Variants in SARM1 observed in about 807,000 individuals in gnomAD.
SARM1 encodes sterile alpha and TIR motif containing 1, also known as NAD(+) hydrolase SARM1.
SARM1 carries 60 observed loss-of-function variants against 65.1 expected under a neutral mutation model. The observed-to-expected ratio is 0.92, with a 90% CI of 0.75 to 1.14. The LOEUF (loss-of-function observed/expected upper bound fraction) is 1.14. SARM1 is among the 50% of genes most tolerant of loss of function. The probability of loss-of-function intolerance (pLI) is 0.00; values close to 1 mark genes in which losing one functional copy is unlikely to be tolerated. For missense variants in SARM1, 913 were observed against 1,015.7 expected (o/e 0.90, Z 1.37); for synonymous variants, 417 against 465.4 (o/e 0.90, Z 1.34).
chr17:28,396,053 G>T (rs782370729), intron 8 of SARM1, 27 bp downstream of exon 8: 2 of 1,613,568 alleles, frequency 1.2e-6, no homozygotes, highest in Non-Finnish European at 1.7e-6. Context: ...TGGGACCAGG[G>T]GGGTAGGGTA....
At chr17:28,391,886 T>TG (rs1300417541) in intron 7 of SARM1, among the ~76,000 whole-genome samples, 5 of 149,420 alleles carry the variant, frequency 3.3e-5, no homozygotes, top group Non-Finnish European at 4.5e-5. Context: ...CTCCGTTTTT[T>TG]TTTTTTTTTT....
rs2067957265 is a variant in SARM1, at chr17:28,371,985, G to C, written c.-48G>C. 1.0e-5 allele frequency: 14 copies of C among 1,376,896 alleles called. No homozygotes were observed. Among genetic ancestry groups the C allele is most frequent in the Non-Finnish European group, 1.0e-5 (11 of 1,059,726 alleles). 85.3% of individuals were successfully genotyped at this position (1,376,896 alleles called of 1,614,324 possible). ...CTTTTCCCAAAACCCGGGTCTCTCC[G>C]CGTGGCCCCGCCTCCAGGCCGGGGA... On this transcript the variant is annotated 5_prime_UTR_variant, in exon 1 of 9. Coordinates refer to ENST00000585482, the MANE Select transcript of SARM1 (RefSeq NM_015077.4).
chr17:28,378,564 A>G (rs2068005586), intron 1 of SARM1, among the ~76,000 whole-genome samples: 1 of 152,192 alleles, frequency 6.6e-6, no homozygotes, highest in African/African-American at 2.4e-5. Flanking sequence ...GTGCTGTGTC[A>G]TATAGCACAT....
rs2068194949 is a variant in SARM1 at position 28,401,289 on chromosome 17, G to A, written c.*5003G>A. On this transcript the variant is annotated 3_prime_UTR_variant, in exon 9 of 9. Coordinates refer to ENST00000585482, the MANE Select transcript of SARM1 (RefSeq NM_015077.4). The stretch of plus-strand genomic sequence containing the variant: ...TTCACATGGAAATCACCCATCACTG[G>A]GCCTGGTCCCCTGGAAGTAGCTAGT... 1 of 163,408 alleles carries A rather than the reference G, an allele frequency of 6.1e-6. No homozygotes were observed. The highest frequency in any genetic ancestry group is 1.3e-5 in the Non-Finnish European group (1 of 74,238). The allele number at this position is 163,408 out of a possible 1,614,324, so 10.1% of individuals were successfully genotyped here. A position where few individuals can be genotyped will look rare whatever the true frequency, so the allele number is the denominator to read the frequency against.
rs1174198937 is a variant in SARM1, at chr17:28,397,055, C to G, written c.*769C>G. ...GCCTCAAAGCCCACCCTACCCCATG[C>G]CTTGGTGCTGTGCCTCAGGCTCCTT... On this transcript the variant is annotated 3_prime_UTR_variant, in exon 9 of 9. Transcript: ENST00000585482. The G allele has an allele frequency of 1.3e-5, 2 of 152,710 alleles. No homozygotes were observed. The highest frequency in any genetic ancestry group is 3.9e-4 in the East Asian group (2 of 5,192). The allele number at this position is 152,710 out of a possible 1,614,324, so 9.5% of individuals were successfully genotyped here.
In SARM1 at chr17:28,374,568, C is replaced by G. The variant is rs556111995; in HGVS notation, c.470+2066C>G. ...AAAAAGAAGGGGAGGGTCCCTGCAC[C>G]CCTTGTAGGCTGCATGAGAATGGGG... On this transcript the variant is annotated intron_variant, in intron 1 of 8. Transcript: ENST00000585482. 2.0e-4 allele frequency among the ~76,000 whole-genome samples: 31 copies of G among 152,122 alleles called. No homozygotes were observed. The East Asian group carries it at 5.4e-3, about 27-fold the overall frequency.
Position 28,384,529 on chromosome 17 carries a change from T to C in SARM1, c.1262T>C (p.Leu421Pro). Reference protein sequence around the residue: ...SWKEAEVQTWLQQIGFSKYCE... With the variant: ...SWKEAEVQTWPQQIGFSKYCE... ...AAGGAGGCCGAGGTTCAGACGTGGCTGCAGCAGATCGGTTTCTCCAAGTAC... is the reference window on the plus strand; with the variant it reads ...AAGGAGGCCGAGGTTCAGACGTGGCCGCAGCAGATCGGTTTCTCCAAGTAC... The change falls in exon 3 of 9, where the codon CTG (leucine) becomes CCG (proline). Residue 421 changes from leucine to proline, a missense_variant. Leu to Pro is a moderately conservative substitution (Grantham distance 98). Coordinates refer to ENST00000585482, the MANE Select transcript of SARM1 (RefSeq NM_015077.4). This position sits in a 1 kb window ranked among gnomAD's most constrained non-coding sequence, Gnocchi z 4.4. 6.2e-7 allele frequency: 1 copy of C among 1,612,726 alleles called. No homozygotes were observed. Among genetic ancestry groups the C allele is most frequent in the Non-Finnish European group, 8.5e-7 (1 of 1,179,482 alleles).
In SARM1 at chr17:28,384,400, T is replaced by C. The variant is rs782642684; in HGVS notation, c.1133T>C (p.Val378Ala). The change falls in exon 3 of 9, where the codon GTT becomes GCT. Residue 378 changes from valine to alanine, a missense_variant. Val to Ala is a moderately conservative substitution (Grantham distance 64). Coordinates refer to ENST00000585482, the MANE Select transcript of SARM1 (RefSeq NM_015077.4). The surrounding 1 kb of genome is among the most constrained non-coding windows in gnomAD (Gnocchi z 4.4). ...GCCATCCAGAGCCTGAAACGCCTGG[T>C]TTCCTACTCTACCAATGGCACTAAG... The part of the protein sequence containing the change: ...IGAIQSLKRL[V>A]SYSTNGTKSA... The C allele has an allele frequency of 6.2e-6, 10 of 1,610,918 alleles. No homozygotes were observed. In the South Asian group the frequency reaches 9.9e-5, roughly 16 times the overall value.
rs1431213308 is a variant in SARM1, at chr17:28,400,984, A to G, written c.*4698A>G. 1.8e-6 allele frequency: 1 copy of G among 568,894 alleles called. No individual in the cohort carries two copies. The highest frequency in any genetic ancestry group is 1.9e-5 in the African/African-American group (1 of 53,404). The allele number at this position is 568,894 out of a possible 1,614,324, so 35.2% of individuals were successfully genotyped here. On this transcript the variant is annotated 3_prime_UTR_variant, in exon 9 of 9. Transcript: ENST00000585482. ...AGGGGCTACTAAACAAATGGCTGCT[A>G]TTAAATCCACATTAAAAGTACATGT...
At position 28,381,964 on chromosome 17, in the gene SARM1, T is replaced by C. The variant is rs201878857; in HGVS notation, c.1089+143T>C. On this transcript the variant is annotated intron_variant, in intron 2 of 8. Coordinates refer to ENST00000585482, the MANE Select transcript of SARM1 (RefSeq NM_015077.4). ...ACAAAGGAGGAGCGGGCCAGTCATT[T>C]TGGCGTTGAAGGCAAACCCGAAGTT... 5.9e-5 allele frequency: 68 copies of C among 1,153,116 alleles called. No homozygotes were observed. The East Asian group carries it at 2.0e-3, about 34-fold the overall frequency. The allele number at this position is 1,153,116 out of a possible 1,614,324, so 71.4% of individuals were successfully genotyped here.
chr17:28,384,685 G>A lies in SARM1; in HGVS notation c.1302+116G>A. On this transcript the variant is annotated intron_variant, in intron 3 of 8. Coordinates refer to ENST00000585482, the MANE Select transcript of SARM1 (RefSeq NM_015077.4). This position sits in a 1 kb window ranked among gnomAD's most constrained non-coding sequence, Gnocchi z 4.4. ...CGCCAGGGTCGCTTTTGGGGGCGGGGAGCCTGTACGCAGCCACCGTTAGGG... is the reference window on the plus strand; with the variant it reads ...CGCCAGGGTCGCTTTTGGGGGCGGGAAGCCTGTACGCAGCCACCGTTAGGG... 7.9e-7 allele frequency: 1 copy of A among 1,261,560 alleles called. No homozygotes were observed. Among genetic ancestry groups the A allele is most frequent in the Non-Finnish European group, 1.1e-6 (1 of 907,228 alleles). 78.1% of individuals were successfully genotyped at this position (1,261,560 alleles called of 1,614,324 possible).
chr17:28,380,014 T>C (rs1162643287), intron 1 of SARM1, among the ~76,000 whole-genome samples: 2 of 152,032 alleles, frequency 1.3e-5, no homozygotes, highest in Non-Finnish European at 2.9e-5. Context: ...GAATATTTGC[T>C]GATATATTCT....
At position 28,386,023 on chromosome 17, in the gene SARM1, G is replaced by A. The variant is rs115427574; in HGVS notation, c.1630+748G>A. On this transcript the variant is annotated intron_variant, in intron 5 of 8. Coordinates refer to ENST00000585482, the MANE Select transcript of SARM1 (RefSeq NM_015077.4). ...GTGTCCAGTTTGAGGGCCGGGCACCGTGGCTCATGCCTGTAATTCTAGGAC... is the reference window on the plus strand; with the variant it reads ...GTGTCCAGTTTGAGGGCCGGGCACCATGGCTCATGCCTGTAATTCTAGGAC... Among the ~76,000 whole-genome samples the A allele has an allele frequency of 5.9e-5, 9 of 152,294 alleles. No homozygotes were observed. In the East Asian group the frequency reaches 1.4e-3, roughly 23 times the overall value.
At position 28,384,937 on chromosome 17, in the gene SARM1, A is replaced by G. The variant is rs1324416255; in HGVS notation, c.1394+7A>G. Reference sequence around the variant, plus strand: ...CGGGCATCACCCGCAAGAGGTACGGAGCCTCCTGCCCGCCGGACCCCAGCT... The same window carrying G: ...CGGGCATCACCCGCAAGAGGTACGGGGCCTCCTGCCCGCCGGACCCCAGCT... On this transcript the variant is annotated splice_region_variant and intron_variant, in intron 4 of 8. Coordinates refer to ENST00000585482, the MANE Select transcript of SARM1 (RefSeq NM_015077.4). This position sits in a 1 kb window ranked among gnomAD's most constrained non-coding sequence, Gnocchi z 4.4. 23 of 1,570,708 alleles carry G rather than the reference A, an allele frequency of 1.5e-5. No homozygotes were observed. The highest frequency in any genetic ancestry group is 2.0e-5 in the Non-Finnish European group (23 of 1,157,892).
Position 28,385,237 on chromosome 17 carries a change from T to A in SARM1, c.1592T>A (p.Leu531Gln), listed in dbSNP as rs1555585870. 3.8e-6 allele frequency: 6 copies of A among 1,585,382 alleles called. No individual in the cohort carries two copies. In the East Asian group the frequency reaches 9.2e-5, roughly 24 times the overall value. Residue 531 changes from leucine (L) to glutamine (Q), a missense_variant, in exon 5 of 9, where the codon CTG (leucine) becomes CAG (glutamine). Leu to Gln is a moderately radical substitution (Grantham distance 113). Coordinates refer to ENST00000585482, the MANE Select transcript of SARM1 (RefSeq NM_015077.4). The surrounding 1 kb of genome is among the most constrained non-coding windows in gnomAD (Gnocchi z 4.5). ...QQLLEDCGIHLGVHRARILTA... is the reference protein window; with the variant it reads ...QQLLEDCGIHQGVHRARILTA... ...CTGCTGGAAGACTGCGGCATCCACC[T>A]GGGCGTGCACCGCGCCCGCATCCTC... is the stretch of plus-strand genomic sequence containing the variant.
At chr17:28,378,346 CA>C (rs1454366462) in intron 1 of SARM1, among the ~76,000 whole-genome samples, 1 of 152,220 alleles carries the variant, frequency 6.6e-6, no homozygotes, top group Non-Finnish European at 1.5e-5. Flanking sequence ...CCAACACCTC[CA>C]ACTCTTTGCA....
intron 2 of SARM1, among the ~76,000 whole-genome samples, chr17:28,383,531 A>G (rs2142430307): frequency 1.3e-5 from 2 of 152,254 alleles, no homozygotes; most frequent in South Asian, 4.1e-4. Flanking sequence ...CTTAGGGAAA[A>G]GGGTCTTAAA....
chr17:28,396,817 GC>G lies in SARM1; in HGVS notation c.*534del, dbSNP rs2068130831. On this transcript the variant is annotated 3_prime_UTR_variant, in exon 9 of 9. Coordinates refer to ENST00000585482, the MANE Select transcript of SARM1 (RefSeq NM_015077.4). ...CAACTTCCTGCCGCTCTGTGGCCTT[GC>G]CCTGTAATCACTCAGTGCCCTTAGC... 1 of 155,210 alleles carries G rather than the reference GC, an allele frequency of 6.4e-6. No homozygotes were observed. The highest frequency in any genetic ancestry group is 1.4e-5 in the Non-Finnish European group (1 of 70,022). 9.6% of individuals were successfully genotyped at this position (155,210 alleles called of 1,614,324 possible).
intron 1 of SARM1, chr17:28,373,392 A>T (rs1555584289): frequency 6.6e-6 from 1 of 152,240 alleles, no homozygotes; most frequent in Non-Finnish European, 1.5e-5. Flanking sequence ...CAAGCTTAGA[A>T]GAGTTTTTGG....
Sources: allele counts gnomAD v4.1 joint callset (sites outside exome capture counted in the v4.1 genomes callset), GRCh38; gene constraint gnomAD v4.1.1; non-coding constraint Gnocchi (gnomAD v3.1); transcripts MANE v1.5; gene names NCBI Gene and HGNC (gene_info 2026-07-23, HGNC 2026-07-21).